The following TMEM170B variants were observed in gnomAD, a reference collection of about 807,000 sequenced individuals.
TMEM170B encodes transmembrane protein 170B.
In TMEM170B, 6 loss-of-function variants were observed where a neutral mutation model predicts 13.0. The observed-to-expected ratio is 0.46, with a 90% CI of 0.25 to 0.91. TMEM170B has a LOEUF of 0.91. TMEM170B is among the 40% of genes least tolerant of loss of function. The pLI is 0.17. For synonymous variants in TMEM170B, 61 were observed against 64.9 expected, an observed-to-expected ratio of 0.94 and a Z score of 0.29; for missense variants, 138 against 165.2, an observed-to-expected ratio of 0.84 and a Z score of 0.90.
intron 1 of TMEM170B, among the ~76,000 whole-genome samples, chr6:11,542,777 T>C (rs1759379406): frequency 6.6e-6 from 1 of 152,180 alleles, no homozygotes; most frequent in Non-Finnish European, 1.5e-5. Context: ...TACAGTGCCA[T>C]TTACAACTTT....
chr6:11,562,333 T>G (rs545559779), intron 1 of TMEM170B, among the ~76,000 whole-genome samples: 1 of 151,408 alleles, frequency 6.6e-6, no homozygotes, highest in East Asian at 1.9e-4. Flanking sequence ...AAATACTGTT[T>G]CCCTGAATGC....
chr6:11,563,775 G>A (rs1407293553), intron 1 of TMEM170B, among the ~76,000 whole-genome samples: 1 of 152,174 alleles, frequency 6.6e-6, no homozygotes, highest in African/African-American at 2.4e-5. Context: ...GACCAGTCTG[G>A]GCAGCACAGG....
intron 2 of TMEM170B, among the ~76,000 whole-genome samples, chr6:11,566,256 A>G (rs1284133831): frequency 6.6e-6 from 1 of 152,226 alleles, no homozygotes; most frequent in African/African-American, 2.4e-5. Flanking sequence ...ACTACAAAAT[A>G]AAATTGCACT....
chr6:11,547,538 C>T (rs577360240), intron 1 of TMEM170B, among the ~76,000 whole-genome samples: 1 of 152,286 alleles, frequency 6.6e-6, no homozygotes, highest in Admixed American at 6.5e-5. Context: ...TGTGAAAAGT[C>T]CTTACCCTTG....
chr6:11,565,603 T>G, intron 1 of TMEM170B, 63 bp from the exon 2 acceptor site: 1 of 1,579,958 alleles, frequency 6.3e-7, no homozygotes, highest in Non-Finnish European at 8.7e-7. Context: ...GCTCACTGTT[T>G]GTTAAATTGA....
At chr6:11,545,264 T>TTCTCTCTCTC (rs368272768) in intron 1 of TMEM170B, among the ~76,000 whole-genome samples, 30 of 127,920 alleles carry the variant, frequency 2.3e-4, no homozygotes, top group East Asian at 1.2e-3. Context: ...GTTAAAAGGC[T>TTCTCTCTCTC]TCTCTCTCTC....
In TMEM170B at chr6:11,554,632, G is replaced by T. The variant is rs182522309; in HGVS notation, c.98-11034G>T. 8.0e-4 allele frequency among the ~76,000 whole-genome samples: 121 copies of T among 152,174 alleles called. 1 individual carries two copies. In the East Asian group the frequency reaches 0.016, roughly 21 times the overall value. On this transcript the variant is annotated intron_variant, in intron 1 of 2. Transcript: ENST00000379426. The stretch of plus-strand genomic sequence containing the variant: ...CCTGTTTTTCTAAGAATTGTCTTCT[G>T]TTTAATTATGGGTATTGTTATTTAC...
At chr6:11,543,777 A>G (rs2113761517) in intron 1 of TMEM170B, among the ~76,000 whole-genome samples, 1 of 152,288 alleles carries the variant, frequency 6.6e-6, no homozygotes, top group South Asian at 2.1e-4. Context: ...TACCAAATGA[A>G]AGGGAAATAT....
In TMEM170B at chr6:11,538,266, C is replaced by T. The variant is rs1305563852; in HGVS notation, c.-12C>T. On this transcript the variant is annotated 5_prime_UTR_variant, in exon 1 of 3. Transcript: ENST00000379426. ...CACCCGAGGAGAGGGCGGCGGGCGC[C>T]CCTCGGGGAAGATGAAGGCGGAGGG... is the stretch of plus-strand genomic sequence containing the variant. 5.3e-6 allele frequency: 7 copies of T among 1,325,702 alleles called. No homozygotes were observed. Among genetic ancestry groups the T allele is most frequent in the African/African-American group, 1.5e-5 (1 of 65,248 alleles). The allele number at this position is 1,325,702 out of a possible 1,614,324, so 82.1% of individuals were successfully genotyped here. A position where few individuals can be genotyped will look rare whatever the true frequency, so the allele number is the denominator to read the frequency against.
Position 11,575,418 on chromosome 6 carries a change from C to T in TMEM170B, c.269-13C>T, listed in dbSNP as rs373154125. ...TGACTGTATCCCTTCATTTTTCTCC[C>T]GTTTCTCCTTAGGTGCAGCAGTAGC... is the stretch of plus-strand genomic sequence containing the variant. On this transcript the variant is annotated splice_polypyrimidine_tract_variant and intron_variant, in intron 2 of 2. Coordinates refer to ENST00000379426, the MANE Select transcript of TMEM170B (RefSeq NM_001100829.3). This position sits in a 1 kb window ranked among gnomAD's most constrained non-coding sequence, Gnocchi z 4.1. 96 of 1,612,364 alleles carry T rather than the reference C, an allele frequency of 6.0e-5. No individual in the cohort carries two copies. Among genetic ancestry groups the T allele is most frequent in the African/African-American group, 9.3e-5 (7 of 74,888 alleles).
At chr6:11,551,276 A>G (rs1759521878) in intron 1 of TMEM170B, among the ~76,000 whole-genome samples, 1 of 152,222 alleles carries the variant, frequency 6.6e-6, no homozygotes, top group Admixed American at 6.5e-5. Context: ...ACAGTCTTTG[A>G]TAGCCTAATC....
rs904956602 is a variant in TMEM170B, at chr6:11,537,760, G to C, written c.-518G>C. Among the ~76,000 whole-genome samples the C allele has an allele frequency of 6.6e-6, 1 of 151,642 alleles. No individual in the cohort carries two copies. On this transcript the variant is annotated 5_prime_UTR_variant, in exon 1 of 3. Coordinates refer to ENST00000379426, the MANE Select transcript of TMEM170B (RefSeq NM_001100829.3). ...TGGAGGGGGCGGTTCCTCGAGTGTC[G>C]GCGACCCGAGGGCGGGCAGGCGGGC...
chr6:11,552,548 A>G (rs1185337526), intron 1 of TMEM170B, among the ~76,000 whole-genome samples: 3 of 152,128 alleles, frequency 2.0e-5, no homozygotes, highest in South Asian at 2.1e-4. Flanking sequence ...ATGTGCAGAA[A>G]GCACTGTCTC....
chr6:11,579,997 G>A lies in TMEM170B; in HGVS notation c.*4436G>A, dbSNP rs1479842047. On this transcript the variant is annotated 3_prime_UTR_variant, in exon 3 of 3. Transcript: ENST00000379426. ...ACAGGCCAAGGGTGCTTAAGCCCTA[G>A]CTGTTATTTTGTTTCTTTTATTTAT... The A allele has an allele frequency of 6.5e-6, 1 of 153,842 alleles. No individual in the cohort carries two copies. Among genetic ancestry groups the A allele is most frequent in the Non-Finnish European group, 1.4e-5 (1 of 69,504 alleles). The allele number at this position is 153,842 out of a possible 1,614,324, so 9.5% of individuals were successfully genotyped here.
chr6:11,550,819 T>C (rs1330001525), intron 1 of TMEM170B, among the ~76,000 whole-genome samples: 1 of 152,172 alleles, frequency 6.6e-6, no homozygotes, highest in East Asian at 1.9e-4. Flanking sequence ...TGCAGTTCAG[T>C]TGAGCAAACA....
Position 11,579,178 on chromosome 6 carries a change from T to A in TMEM170B, c.*3617T>A, listed in dbSNP as rs16871480. 3.9e-5 allele frequency: 6 copies of A among 152,246 alleles called. No individual in the cohort carries two copies. Among genetic ancestry groups the A allele is most frequent in the Non-Finnish European group, 8.8e-5 (6 of 68,002 alleles). The allele number at this position is 152,246 out of a possible 1,614,324, so 9.4% of individuals were successfully genotyped here. A position where few individuals can be genotyped will look rare whatever the true frequency, so the allele number is the denominator to read the frequency against. On this transcript the variant is annotated 3_prime_UTR_variant, in exon 3 of 3. Coordinates refer to ENST00000379426, the MANE Select transcript of TMEM170B (RefSeq NM_001100829.3). ...TCATTTTCCTGGTTCATCCACTAAA[T>A]AGAATTTCCATAACTGAGATATCAT...
intron 1 of TMEM170B, among the ~76,000 whole-genome samples, chr6:11,547,227 TAAAAG>T (rs371498916): frequency 2.6e-4 from 39 of 152,172 alleles, no homozygotes; most frequent in African/African-American, 8.4e-4. Flanking sequence ...AAAGAAAAAA[TAAAAG>T]AAAGTGAATA....
chr6:11,538,360 T>C lies in TMEM170B; in HGVS notation c.83T>C (p.Leu28Pro), dbSNP rs1759310385. 2.0e-6 allele frequency: 3 copies of C among 1,515,308 alleles called. No individual in the cohort carries two copies. The highest frequency in any genetic ancestry group is 1.8e-6 in the Non-Finnish European group (2 of 1,134,276). The allele number at this position is 1,515,308 out of a possible 1,614,324, so 93.9% of individuals were successfully genotyped here. The part of the protein sequence containing the change: ...VLSLWAHGTV[L>P]RNLTEMWYWI... The stretch of plus-strand genomic sequence containing the variant: ...AGCCTCTGGGCCCACGGGACGGTGC[T>C]GAGGAACCTCACGGGTAATTGACGC... Residue 28 changes from leucine to proline, a missense_variant, in exon 1 of 3, where the codon CTG becomes CCG. Coordinates refer to ENST00000379426, the MANE Select transcript of TMEM170B (RefSeq NM_001100829.3).
intron 1 of TMEM170B, among the ~76,000 whole-genome samples, chr6:11,560,707 ATATCT>A (rs1265395210): frequency 2.2e-5 from 3 of 133,600 alleles, no homozygotes; most frequent in East Asian, 4.4e-4. Context: ...CATTCATCTC[ATATCT>A]TATCTCTAAA....
Sources: gnomAD v4.1 joint callset for allele counts (sites outside exome capture counted in the v4.1 genomes callset) on GRCh38, gnomAD v4.1.1 for gene constraint, Gnocchi (gnomAD v3.1) non-coding constraint, MANE v1.5 for transcripts, NCBI Gene and HGNC (gene_info 2026-07-23, HGNC 2026-07-21) for gene names.